ROR1: variants seen among roughly 807,000 people sequenced by gnomAD.
The protein encoded by ROR1 is ROR family WNT receptor 1, also known as inactive tyrosine-protein kinase transmembrane receptor ROR1.
A neutral mutation model predicts 78.8 loss-of-function variants in ROR1; 19 were observed. That is an observed-to-expected ratio of 0.24 (90% CI 0.17 to 0.35). ROR1 has a LOEUF of 0.35. Ranked by LOEUF, ROR1 falls within the 10% of genes least tolerant of loss-of-function variation. ROR1 has a pLI of 1.00. For synonymous variants in ROR1, 386 were observed against 433.6 expected (o/e 0.89, Z 1.36); for missense variants, 917 against 1,177.8 (o/e 0.78, Z 3.24).
At chr1:64,159,408 C>T (rs1002741723) in intron 8 of ROR1, among the ~76,000 whole-genome samples, 2 of 152,182 alleles carry the variant, frequency 1.3e-5, no homozygotes, top group Admixed American at 6.5e-5. Context: ...CCAGCCATAT[C>T]ACTGCCTTGC....
intron 1 of ROR1, among the ~76,000 whole-genome samples, chr1:63,839,419 T>C (rs1032777445): frequency 2.0e-5 from 3 of 152,178 alleles, no homozygotes; most frequent in Non-Finnish European, 2.9e-5. Flanking sequence ...CATCTATTTA[T>C]CCATTAATCT....
chr1:63,788,740 G>T, intron 1 of ROR1: 1 of 448,758 alleles, frequency 2.2e-6, no homozygotes, highest in South Asian at 2.2e-5. Context: ...TTCCTCCTTG[G>T]ACAAGGTCTT....
At chr1:63,909,194 C>T (rs1645550247) in intron 1 of ROR1, among the ~76,000 whole-genome samples, 2 of 151,608 alleles carry the variant, frequency 1.3e-5, no homozygotes, top group Admixed American at 6.6e-5. Flanking sequence ...CCCACCCCTG[C>T]CCCGATAAAG....
chr1:63,969,203 A>T (rs1646099604), intron 1 of ROR1, among the ~76,000 whole-genome samples: 2 of 152,210 alleles, frequency 1.3e-5, no homozygotes, highest in African/African-American at 4.8e-5. Context: ...AATGAAGAAG[A>T]TGGAAGACTT....
chr1:63,806,316 A>AATTTTTTT (rs1553133293), intron 1 of ROR1, among the ~76,000 whole-genome samples: 1 of 87,264 alleles, frequency 1.1e-5, no homozygotes, highest in Non-Finnish European at 2.5e-5. Context: ...CTGTCAGACT[A>AATTTTTTT]TTTTTTTTTT....
chr1:64,085,112 A>T (rs996030792), intron 4 of ROR1, among the ~76,000 whole-genome samples: 4 of 152,202 alleles, frequency 2.6e-5, no homozygotes, highest in African/African-American at 9.6e-5. Context: ...TACAAACCTC[A>T]TAAAAATTAA....
chr1:64,012,435 A>G (rs1646483552), intron 2 of ROR1, among the ~76,000 whole-genome samples: 2 of 152,208 alleles, frequency 1.3e-5, no homozygotes, highest in African/African-American at 2.4e-5. Flanking sequence ...CCAAGATGGT[A>G]ACATAAAAAC....
chr1:64,003,037 T>G (rs771622453), intron 1 of ROR1, among the ~76,000 whole-genome samples: 9 of 152,118 alleles, frequency 5.9e-5, no homozygotes, highest in Non-Finnish European at 8.8e-5. Context: ...ACAAGCTGAT[T>G]GGGCAGCTGC....
intron 1 of ROR1, among the ~76,000 whole-genome samples, chr1:63,922,606 C>T (rs905149534): frequency 1.3e-5 from 2 of 152,140 alleles, no homozygotes; most frequent in Non-Finnish European, 1.5e-5. Context: ...AAGAGTTCTA[C>T]AGCTCACTTT....
chr1:63,791,459 T>C (rs892200661), intron 1 of ROR1, among the ~76,000 whole-genome samples: 3 of 152,180 alleles, frequency 2.0e-5, no homozygotes, highest in Admixed American at 1.3e-4. Flanking sequence ...ACAAATGAGT[T>C]CACAAAATTG....
At chr1:64,028,889 G>C (rs1329489013) in intron 2 of ROR1, 1 of 151,974 alleles carries the variant, frequency 6.6e-6, no homozygotes, top group Non-Finnish European at 1.5e-5. Flanking sequence ...CTTATTCATT[G>C]TTTTAAAAAT....
intron 8 of ROR1, among the ~76,000 whole-genome samples, 186 bp downstream of exon 8, chr1:64,159,378 A>G (rs1400225782): frequency 6.6e-6 from 1 of 152,160 alleles, no homozygotes; most frequent in East Asian, 1.9e-4. Context: ...TTTCATCAGT[A>G]TGTCTACTTC....
chr1:63,980,311 C>T (rs367785208), intron 1 of ROR1, among the ~76,000 whole-genome samples: 17 of 152,090 alleles, frequency 1.1e-4, no homozygotes, highest in Middle Eastern at 3.4e-3. Context: ...GGAAATGAGA[C>T]GCCATGGATA....
At chr1:64,071,955 G>A (rs1182226389) in intron 4 of ROR1, among the ~76,000 whole-genome samples, 1 of 152,040 alleles carries the variant, frequency 6.6e-6, no homozygotes, top group Non-Finnish European at 1.5e-5. Flanking sequence ...CTGCTCTCCC[G>A]CCACCGTGGT....
intron 4 of ROR1, among the ~76,000 whole-genome samples, chr1:64,074,268 C>A (rs888673557): frequency 1.3e-5 from 2 of 152,158 alleles, no homozygotes; most frequent in African/African-American, 2.4e-5. Context: ...TTACATAAGC[C>A]TATAAACACC....
At chr1:64,040,831 G>A (rs1052261850) in intron 2 of ROR1, among the ~76,000 whole-genome samples, 60 of 152,150 alleles carry the variant, frequency 3.9e-4, no homozygotes, top group African/African-American at 1.3e-3. Flanking sequence ...ATTTTAGGGG[G>A]CCACAAACAT....
chr1:64,079,246 T>C (rs1351476078), intron 4 of ROR1, among the ~76,000 whole-genome samples: 4 of 152,208 alleles, frequency 2.6e-5, no homozygotes, highest in Non-Finnish European at 5.9e-5. Context: ...TGTAAGTAAG[T>C]AGCACTATCC....
In ROR1 at chr1:64,179,957, G is replaced by A. The variant is rs1650505497; in HGVS notation, c.*1102G>A. On this transcript the variant is annotated 3_prime_UTR_variant, in exon 9 of 9. Transcript: ENST00000371079. ...CTGTGCTGGAAATGTTCACAGATTT[G>A]ATTCCCGCCCCAAGAATTACAACAA... 6.6e-6 allele frequency: 1 copy of A among 152,024 alleles called. No homozygotes were observed. Among genetic ancestry groups the A allele is most frequent in the South Asian group, 2.1e-4 (1 of 4,822 alleles). 9.4% of individuals were successfully genotyped at this position (152,024 alleles called of 1,614,324 possible).
chr1:64,151,800 C>T (rs1457931632), intron 7 of ROR1, among the ~76,000 whole-genome samples: 2 of 150,820 alleles, frequency 1.3e-5, no homozygotes, highest in African/African-American at 4.9e-5. Flanking sequence ...AGGAGAATTG[C>T]TTGAACCCCA....
Sources: allele counts gnomAD v4.1 joint callset (sites outside exome capture counted in the v4.1 genomes callset), GRCh38; gene constraint gnomAD v4.1.1; transcripts MANE v1.5; gene names NCBI Gene and HGNC (gene_info 2026-07-23, HGNC 2026-07-21).